FCMR: variants seen among roughly 807,000 people sequenced by gnomAD.
The protein encoded by FCMR is Fc mu receptor.
Under a neutral mutation model 41.6 loss-of-function variants are expected in FCMR, and 34 were observed. The observed-to-expected ratio is 0.82, with a 90% confidence interval of 0.62 to 1.09. The LOEUF (loss-of-function observed/expected upper bound fraction) is 1.09. Ranked by LOEUF, FCMR falls within the 50% of genes least tolerant of loss-of-function variation. The pLI is 0.00. For synonymous variants in FCMR, 209 were observed against 211.8 expected (o/e 0.99, Z 0.12); for missense variants, 496 against 512.5 (o/e 0.97, Z 0.31).
At chr1:206,913,183 G>A (rs529505480) in intron 2 of FCMR, 141 bp from the exon 3 acceptor site, 10 of 675,494 alleles carry the variant, frequency 1.5e-5, no homozygotes, top group African/African-American at 1.1e-4. Flanking sequence ...GAAGGAGCTG[G>A]GTTGGGGGCT....
At chr1:206,921,438 A>C (rs536689624) in intron 1 of FCMR, 1 of 419,640 alleles carries the variant, frequency 2.4e-6, no homozygotes, top group African/African-American at 2.0e-5. Context: ...CCATCTCTAC[A>C]AAAAAATTAA....
intron 7 of FCMR, chr1:206,907,636 C>G: frequency 1.3e-6 from 1 of 758,320 alleles, no homozygotes; most frequent in South Asian, 1.3e-5. Context: ...GGGTGCAGGT[C>G]CTGGTGCTTG....
intron 1 of FCMR, among the ~76,000 whole-genome samples, chr1:206,916,416 G>T (rs1679194600): frequency 6.6e-6 from 1 of 152,220 alleles, no homozygotes; most frequent in Admixed American, 6.5e-5. Flanking sequence ...TACACAACGG[G>T]CAGGGGGAAG....
chr1:206,906,847 C>T (rs1678669066), intron 7 of FCMR, among the ~76,000 whole-genome samples: 2 of 151,868 alleles, frequency 1.3e-5, no homozygotes, highest in Admixed American at 6.6e-5. Flanking sequence ...TGTTGTCCCT[C>T]CTGGTTGCTG....
At chr1:206,918,140 T>A (rs1273764902) in intron 1 of FCMR, among the ~76,000 whole-genome samples, 1 of 152,204 alleles carries the variant, frequency 6.6e-6, no homozygotes, top group Non-Finnish European at 1.5e-5. Context: ...CCACATGTAA[T>A]GGTCACCTCT....
At chr1:206,908,773 T>C (rs1318643664) in intron 7 of FCMR, among the ~76,000 whole-genome samples, 1 of 152,184 alleles carries the variant, frequency 6.6e-6, no homozygotes, top group East Asian at 1.9e-4. Flanking sequence ...AAAAGCTTTA[T>C]TCTGGGCTCT....
intron 3 of FCMR, 25 bp from the exon 4 acceptor site, chr1:206,911,977 G>A: frequency 1.3e-6 from 2 of 1,562,090 alleles, no homozygotes; most frequent in Non-Finnish European, 1.8e-6. Context: ...AGGAAAAAGG[G>A]ATGTTCCTTT....
Position 206,909,991 on chromosome 1 carries a change from C to G in FCMR, c.842-123G>C. The G allele has an allele frequency of 2.5e-6, 3 of 1,210,120 alleles. No individual in the cohort carries two copies. Among genetic ancestry groups the G allele is most frequent in the South Asian group, 1.8e-5 (1 of 54,228 alleles). 75.0% of individuals were successfully genotyped at this position (1,210,120 alleles called of 1,614,324 possible). A position where few individuals can be genotyped will look rare whatever the true frequency, so the allele number is the denominator to read the frequency against. ...GTGTCTGACCTGGAGATGCTCCAAGCGTGGGGAATGTACGAGGCACGGCCT... is the reference window on the plus strand; with the variant it reads ...GTGTCTGACCTGGAGATGCTCCAAGGGTGGGGAATGTACGAGGCACGGCCT... On this transcript the variant is annotated intron_variant, in intron 5 of 7. Coordinates refer to ENST00000367091, the MANE Select transcript of FCMR (RefSeq NM_005449.5). The surrounding 1 kb of genome is among the most constrained non-coding windows in gnomAD (Gnocchi z 5.0).
At chr1:206,914,212 C>T in intron 1 of FCMR, 118 bp from the exon 2 acceptor site, 1 of 710,000 alleles carries the variant, frequency 1.4e-6, no homozygotes, top group Non-Finnish European at 2.4e-6. Flanking sequence ...CCCAACCTCA[C>T]ATTCATCCCC....
intron 4 of FCMR, 122 bp downstream of exon 4, chr1:206,911,608 G>T: frequency 1.2e-6 from 1 of 850,830 alleles, no homozygotes; most frequent in South Asian, 1.5e-5. Flanking sequence ...CTCATAGGTG[G>T]TATATTTCAC....
intron 1 of FCMR, among the ~76,000 whole-genome samples, chr1:206,914,741 C>T (rs1423687255): frequency 6.6e-6 from 1 of 152,044 alleles, no homozygotes; most frequent in African/African-American, 2.4e-5. Flanking sequence ...CTCATTTCTA[C>T]CCTTAGTCTC....
chr1:206,921,738 A>C, intron 1 of FCMR, 80 bp downstream of exon 1: 9 of 1,323,338 alleles, frequency 6.8e-6, no homozygotes, highest in Non-Finnish European at 9.8e-6. Flanking sequence ...CATCAGAGCT[A>C]GAGCTACCAG....
chr1:206,918,904 G>A (rs1004011600), intron 1 of FCMR, among the ~76,000 whole-genome samples: 7 of 152,056 alleles, frequency 4.6e-5, no homozygotes, highest in African/African-American at 1.7e-4. Flanking sequence ...ACCTGGAGTA[G>A]GAGTACAAAT....
chr1:206,919,421 C>T (rs1449506996), intron 1 of FCMR, among the ~76,000 whole-genome samples: 1 of 152,080 alleles, frequency 6.6e-6, no homozygotes, highest in Non-Finnish European at 1.5e-5. Flanking sequence ...CATGGTGAGA[C>T]CCTATCTCTA....
rs1364557241 is a variant in FCMR, at chr1:206,903,602, T to G, written c.*1417A>C. ...CATTGGGGTGGGGGTAAGGTGCATC[T>G]GTTTGAAAAGTAAACGATAAAATGT... On this transcript the variant is annotated 3_prime_UTR_variant, in exon 8 of 8. Coordinates refer to ENST00000367091, the MANE Select transcript of FCMR (RefSeq NM_005449.5). The G allele has an allele frequency of 6.5e-6, 1 of 153,308 alleles. No individual in the cohort carries two copies. Among genetic ancestry groups the G allele is most frequent in the Non-Finnish European group, 1.5e-5 (1 of 68,728 alleles). 9.5% of individuals were successfully genotyped at this position (153,308 alleles called of 1,614,324 possible).
intron 1 of FCMR, among the ~76,000 whole-genome samples, chr1:206,914,647 G>GTTCT (rs1010932828): frequency 2.6e-5 from 4 of 151,844 alleles, no homozygotes; most frequent in African/African-American, 9.7e-5. Flanking sequence ...TGCCCACGCT[G>GTTCT]TTCTCGAACT....
chr1:206,915,372 A>G (rs1394277294), intron 1 of FCMR, among the ~76,000 whole-genome samples: 2 of 152,282 alleles, frequency 1.3e-5, no homozygotes, highest in South Asian at 2.1e-4. Flanking sequence ...ATGGGTATGG[A>G]GTGCAACTGA....
rs1046841313 is a variant in FCMR at position 206,904,366 on chromosome 1, C to G, written c.*653G>C. ...ACTTATGTGCATCAAGTGATGGAGA[C>G]AGAGTAAAGAGAATTTATGGATATA... On this transcript the variant is annotated 3_prime_UTR_variant, in exon 8 of 8. Transcript: ENST00000367091. 2.7e-5 allele frequency: 4 copies of G among 149,028 alleles called. No individual in the cohort carries two copies. The highest frequency in any genetic ancestry group is 5.9e-5 in the Non-Finnish European group (4 of 67,702). The allele number at this position is 149,028 out of a possible 1,614,324, so 9.2% of individuals were successfully genotyped here. A position where few individuals can be genotyped will look rare whatever the true frequency, so the allele number is the denominator to read the frequency against.
At chr1:206,912,150 C>T (rs1431249356) in intron 3 of FCMR, among the ~76,000 whole-genome samples, 198 bp from the exon 4 acceptor site, 1 of 152,120 alleles carries the variant, frequency 6.6e-6, no homozygotes, top group Non-Finnish European at 1.5e-5. Flanking sequence ...CTTCAAATAC[C>T]ATTTCTTCCA....
Sources: allele counts gnomAD v4.1 joint callset (sites outside exome capture counted in the v4.1 genomes callset), GRCh38; gene constraint gnomAD v4.1.1; non-coding constraint Gnocchi (gnomAD v3.1); transcripts MANE v1.5; gene names NCBI Gene and HGNC (gene_info 2026-07-23, HGNC 2026-07-21).